The following CIDEB variants were observed in gnomAD, a reference collection of about 807,000 sequenced individuals.
The protein encoded by CIDEB is lipid transferase CIDEB.
A neutral mutation model predicts 22.4 loss-of-function variants in CIDEB; 27 were observed. The observed-to-expected ratio is 1.21, with a 90% CI of 0.89 to 1.66. The LOEUF is 1.66. CIDEB is among the 40% of genes most tolerant of loss of function. The pLI, the probability that CIDEB is intolerant of heterozygous loss-of-function variation, is 0.00. For synonymous variants in CIDEB, 103 were observed against 109.5 expected (o/e 0.94, Z 0.37); for missense variants, 289 against 268.7 (o/e 1.08, Z -0.53).
Position 24,307,794 on chromosome 14 carries a change from G to T in CIDEB, c.41+24C>A, listed in dbSNP as rs142496946. On this transcript the variant is annotated intron_variant, in intron 1 of 4. Transcript: ENST00000554411. ...TGCCTATATCCCCTAAAGGTGGAGG[G>T]TAGAGCGGAGGGTTAGCAGTCACCT... 3.1e-4 allele frequency: 487 copies of T among 1,584,840 alleles called. 2 individuals carry two copies. The highest frequency in any genetic ancestry group is 2.4e-4 in the Non-Finnish European group (284 of 1,164,152).
At chr14:24,307,786 G>A in intron 1 of CIDEB, 32 bp downstream of exon 1, 1 of 1,578,296 alleles carries the variant, frequency 6.3e-7, no homozygotes, top group South Asian at 1.2e-5. Context: ...ATCCCCTAAA[G>A]GTGGAGGGTA....
intron 1 of CIDEB, 22 bp from the exon 2 acceptor site, chr14:24,307,537 C>T (rs1321593017): frequency 1.2e-6 from 2 of 1,608,948 alleles, no homozygotes; most frequent in Non-Finnish European, 1.7e-6. Flanking sequence ...GAAGAAAAGT[C>T]AAGAAGGGGC....
At chr14:24,310,461 G>C, upstream of CIDEB, 1 of 702,566 alleles carries the variant, frequency 1.4e-6, no homozygotes, top group East Asian at 2.7e-5. Context: ...ACTGGGAGCA[G>C]GGGATCTGGG....
chr14:24,309,333 G>C (rs1467565196), upstream of CIDEB: 1 of 152,208 alleles, frequency 6.6e-6, no homozygotes, highest in Non-Finnish European at 1.5e-5. Flanking sequence ...CAAGCCCTTA[G>C]CTCAAGCTCT....
chr14:24,310,987 G>T, upstream of CIDEB: 1 of 1,589,988 alleles, frequency 6.3e-7, no homozygotes, highest in Non-Finnish European at 8.5e-7. Context: ...ATGTACGCCA[G>T]CGTGCTGCTC....
upstream of CIDEB, chr14:24,310,724 G>A: frequency 6.2e-7 from 1 of 1,612,796 alleles, no homozygotes. Context: ...AGACTTCGCG[G>A]GCCACAGGCA....
Position 24,306,359 on chromosome 14 carries a change from G to A in CIDEB, c.336+15C>T, listed in dbSNP as rs748070366. The A allele has an allele frequency of 6.2e-7, 1 of 1,614,194 alleles. No individual in the cohort carries two copies. The highest frequency in any genetic ancestry group is 1.7e-5 in the Admixed American group (1 of 60,032). ...AGGACAGGCATTGGAAGCAGCCCCA[G>A]TATAGGCCTCTTACCCTTGTAGGGC... On this transcript the variant is annotated intron_variant, in intron 3 of 4. Transcript: ENST00000554411.
chr14:24,311,012 C>A, upstream of CIDEB: 1 of 1,585,906 alleles, frequency 6.3e-7, no homozygotes, highest in Non-Finnish European at 8.5e-7. Flanking sequence ...GCCTGCTCAG[C>A]CTGCAGCGCT....
chr14:24,306,735 A>G lies in CIDEB; in HGVS notation c.187-212T>C. On this transcript the variant is annotated intron_variant, in intron 2 of 4. Transcript: ENST00000554411. ...GCTGACCTTTTTCCTCTTTGCTCCTACCATGTCATTGGCATCTCCCCTTGC... is the reference window on the plus strand; with the variant it reads ...GCTGACCTTTTTCCTCTTTGCTCCTGCCATGTCATTGGCATCTCCCCTTGC... The G allele has an allele frequency of 8.5e-6, 5 of 589,228 alleles. No individual in the cohort carries two copies. In the East Asian group the frequency reaches 1.2e-4, roughly 14 times the overall value. 36.5% of individuals were successfully genotyped at this position (589,228 alleles called of 1,614,324 possible).
upstream of CIDEB, chr14:24,311,120 C>A (rs779705004): frequency 6.3e-7 from 1 of 1,578,898 alleles, no homozygotes; most frequent in Non-Finnish European, 8.6e-7. Flanking sequence ...CCCTGTTGCT[C>A]GCCGTCCCGG....
chr14:24,306,549 G>C (rs1329718129), intron 2 of CIDEB, 26 bp from the exon 3 acceptor site: 1 of 1,614,184 alleles, frequency 6.2e-7, no homozygotes, highest in Admixed American at 1.7e-5. Flanking sequence ...AAGCAAGAAG[G>C]GCAGGTCTTA....
chr14:24,310,415 T>C (rs1320550334), upstream of CIDEB: 4 of 651,306 alleles, frequency 6.1e-6, no homozygotes, highest in East Asian at 8.1e-5. Context: ...ACCACTGAGC[T>C]CTGGGAAGGA....
upstream of CIDEB, chr14:24,310,077 A>C: frequency 6.3e-6 from 1 of 159,816 alleles, no homozygotes. Context: ...GGTGATGGGA[A>C]GGAGCAGGGT....
chr14:24,311,143 G>A (rs1461915270), upstream of CIDEB: 9 of 1,594,268 alleles, frequency 5.6e-6, no homozygotes, highest in East Asian at 2.3e-5. Context: ...GCCGTCTACC[G>A]CCACCTGTGG....
Position 24,307,835 on chromosome 14 carries a change from G to T in CIDEB, c.24C>A (p.Asn8Lys), listed in dbSNP as rs534112642. ...GCAGTCACCTGAGTAAGTCACTGGG[G>T]TTCAGAGCTGAGAGGTACTCCATGG... is the stretch of plus-strand genomic sequence containing the variant. MEYLSAL[N>K]PSDLLRSVSN... The change falls in exon 1 of 5, where the codon AAC becomes AAA. Residue 8 changes from asparagine (N) to lysine (K), a missense_variant. Transcript: ENST00000554411. The T allele has an allele frequency of 1.9e-6, 3 of 1,595,570 alleles. No individual in the cohort carries two copies. The South Asian group carries it at 3.4e-5, about 18-fold the overall frequency.
chr14:24,310,737 G>C, upstream of CIDEB: 2 of 1,612,060 alleles, frequency 1.2e-6, no homozygotes, highest in Non-Finnish European at 1.7e-6. Flanking sequence ...CACAGGCACA[G>C]CCTTCCTGCT....
In CIDEB at chr14:24,306,028, CT is replaced by C; in HGVS notation, c.445del (p.Ser149AlafsTer2). On this transcript the variant is annotated frameshift_variant, in exon 4 of 5. Transcript: ENST00000554411. LOFTEE classifies it high-confidence loss of function. ...GTAGAATGTGGCTTTGACATTCAGG[CT>C]GCCAAAGAGGTCTCGAGGGTTTTGC... ...YKQNPRDLFG[S>X]LNVKATFYGL... 6.2e-7 allele frequency: 1 copy of C among 1,614,158 alleles called. No homozygotes were observed. Among genetic ancestry groups the C allele is most frequent in the African/African-American group, 1.3e-5 (1 of 75,040 alleles).
intron 2 of CIDEB, chr14:24,307,091 A>T (rs1470225111): frequency 8.7e-6 from 3 of 346,524 alleles, no homozygotes; most frequent in Non-Finnish European, 1.6e-5. Flanking sequence ...CAGAATTTGA[A>T]CTTGATTTGT....
intron 4 of CIDEB, 36 bp from the exon 5 acceptor site, chr14:24,305,801 G>C: frequency 1.2e-6 from 2 of 1,606,666 alleles, no homozygotes; most frequent in African/African-American, 1.3e-5. Flanking sequence ...CAGATGATTT[G>C]GAAAACTTGG....
Sources: gnomAD v4.1 joint callset for allele counts on GRCh38, gnomAD v4.1.1 for gene constraint, MANE v1.5 for transcripts, NCBI Gene and HGNC (gene_info 2026-07-23, HGNC 2026-07-21) for gene names.